The following RALGAPA1 variants were observed in gnomAD, a reference collection of about 807,000 sequenced individuals.
RALGAPA1 encodes Ral GTPase activating protein catalytic subunit alpha 1, also known as ral GTPase-activating protein subunit alpha-1.
RALGAPA1 carries 52 observed loss-of-function variants against 269.6 expected under a neutral mutation model. The observed-to-expected ratio is 0.19, with a 90% confidence interval of 0.15 to 0.24. The LOEUF (loss-of-function observed/expected upper bound fraction) is 0.24, where lower values mean the gene tolerates loss of function less well. Ranked by LOEUF, RALGAPA1 falls within the 10% of genes least tolerant of loss-of-function variation. RALGAPA1 has a pLI of 1.00. For synonymous variants in RALGAPA1, 817 were observed against 1,008.3 expected (o/e 0.81, Z 3.60); for missense variants, 1,917 against 3,013.9 (o/e 0.64, Z 8.52).
At chr14:35,730,549 T>C (rs551228913) in intron 12 of RALGAPA1, among the ~76,000 whole-genome samples, 1 of 110,552 alleles carries the variant, frequency 9.0e-6, no homozygotes, top group East Asian at 1.9e-4. Context: ...AGGGCGGGCA[T>C]GGTGGGAGAC....
intron 39 of RALGAPA1, among the ~76,000 whole-genome samples, chr14:35,562,881 C>T (rs1450797018): frequency 6.6e-5 from 10 of 151,772 alleles, no homozygotes; most frequent in Admixed American, 5.2e-4. Context: ...ATTAGCTGGG[C>T]GTGGTGGCAT....
Position 35,655,836 on chromosome 14 carries a change from C to T in RALGAPA1, c.5467G>A (p.Ala1823Thr). Residue 1823 changes from alanine (A) to threonine (T), a missense_variant, in exon 29 of 42, where the codon GCT (alanine) becomes ACT (threonine). Transcript: ENST00000680220. ...AAGGAAACACAAATCACATTCAGAG[C>T]TTCCTTAATTTGAGGATGATGAGAC... ...HESHHPQIKE[A>T]LNVICVSLKF... The T allele has an allele frequency of 6.2e-7, 1 of 1,613,424 alleles. No homozygotes were observed.
At chr14:35,739,832 G>A (rs2071386749) in intron 11 of RALGAPA1, among the ~76,000 whole-genome samples, 3 of 152,032 alleles carry the variant, frequency 2.0e-5, no homozygotes, top group Admixed American at 2.0e-4. Flanking sequence ...CCTCCATTCT[G>A]GGCCTGGTAT....
intron 37 of RALGAPA1, among the ~76,000 whole-genome samples, chr14:35,589,103 G>T (rs765375869): frequency 3.0e-4 from 45 of 152,150 alleles, no homozygotes; most frequent in Non-Finnish European, 5.7e-4. Context: ...TCATCAATAG[G>T]TTCTTGGAAA....
intron 36 of RALGAPA1, 58 bp from the exon 37 acceptor site, chr14:35,595,847 G>C: frequency 5.7e-6 from 8 of 1,410,048 alleles, no homozygotes; most frequent in Non-Finnish European, 7.8e-6. Flanking sequence ...ACACTACAGA[G>C]AAAGACTCAA....
intron 21 of RALGAPA1, among the ~76,000 whole-genome samples, chr14:35,680,516 T>G (rs546162463): frequency 6.6e-6 from 1 of 152,254 alleles, no homozygotes; most frequent in South Asian, 2.1e-4. Flanking sequence ...AGCCAAGAAC[T>G]AAGATTTTAA....
intron 20 of RALGAPA1, 139 bp from the exon 21 acceptor site, chr14:35,684,124 A>G: frequency 1.6e-6 from 1 of 625,706 alleles, no homozygotes; most frequent in South Asian, 2.6e-5. Flanking sequence ...ACAAGTGTAA[A>G]TAATCTTAAT....
At position 35,678,045 on chromosome 14, in the gene RALGAPA1, G is replaced by A. The variant is rs1368364348; in HGVS notation, c.4529C>T (p.Ser1510Phe). ...GTGATCTATATTCAATGTAGAAGGG[G>A]AAGGAGTCTGTGACCTGGAGCCCAG... The part of the protein sequence containing the change: ...SPLGSRSQTP[S>F]PSTLNIDHME... The change falls in exon 22 of 42, where the codon TCC becomes TTC. Residue 1510 changes from serine to phenylalanine, a missense_variant. Ser to Phe is a radical substitution (Grantham distance 155). This residue lies in a region of RALGAPA1 where 615 missense variants were observed against 790.0 expected (regional missense o/e 0.78). Coordinates refer to ENST00000680220, the MANE Select transcript of RALGAPA1 (RefSeq NM_001346249.2). 6.2e-7 allele frequency: 1 copy of A among 1,611,514 alleles called. No individual in the cohort carries two copies. The highest frequency in any genetic ancestry group is 8.5e-7 in the Non-Finnish European group (1 of 1,179,478).
chr14:35,804,776 A>AT (rs968066230), intron 1 of RALGAPA1, among the ~76,000 whole-genome samples: 3 of 150,064 alleles, frequency 2.0e-5, no homozygotes, highest in Non-Finnish European at 3.0e-5. Flanking sequence ...ACAAAAAAAA[A>AT]TTTTTTTTAA....
intron 41 of RALGAPA1, chr14:35,541,722 C>CCT (rs1566634145): frequency 2.2e-6 from 1 of 456,742 alleles, no homozygotes; most frequent in Non-Finnish European, 4.4e-6. Flanking sequence ...CACGAGAGGC[C>CCT]CTCCCATTGC....
intron 21 of RALGAPA1, 192 bp downstream of exon 21, chr14:35,683,617 C>A: frequency 2.0e-6 from 1 of 493,454 alleles, no homozygotes; most frequent in Non-Finnish European, 3.6e-6. Context: ...ACAGAGTCCT[C>A]TGAAGCTTAA....
intron 15 of RALGAPA1, among the ~76,000 whole-genome samples, chr14:35,722,692 C>T (rs1341872103): frequency 1.3e-5 from 2 of 151,524 alleles, no homozygotes; most frequent in East Asian, 3.9e-4. Flanking sequence ...AGGCTACTGC[C>T]CCACTCCCTT....
At chr14:35,584,985 G>C (rs1229366590) in intron 37 of RALGAPA1, among the ~76,000 whole-genome samples, 4 of 152,018 alleles carry the variant, frequency 2.6e-5, no homozygotes, top group Admixed American at 6.6e-5. Context: ...AAAGTAAAAA[G>C]ATATACCATG....
At chr14:35,561,506 G>GT (rs750062810) in intron 39 of RALGAPA1, among the ~76,000 whole-genome samples, 1,778 of 72,922 alleles carry the variant, frequency 0.024, 170 homozygotes, top group East Asian at 0.12. Context: ...TAATATAGGA[G>GT]TTTTTTTTTT....
chr14:35,644,720 T>C (rs1712917343), intron 31 of RALGAPA1, among the ~76,000 whole-genome samples: 1 of 152,090 alleles, frequency 6.6e-6, no homozygotes, highest in Admixed American at 6.6e-5. Flanking sequence ...ATGGACTGAA[T>C]CTCGTGGTGT....
chr14:35,706,268 T>C (rs1021040014), intron 16 of RALGAPA1, among the ~76,000 whole-genome samples: 3 of 152,250 alleles, frequency 2.0e-5, no homozygotes, highest in Non-Finnish European at 2.9e-5. Flanking sequence ...TTTATACTTT[T>C]GTACATCACA....
chr14:35,593,130 C>T (rs1191236421), intron 37 of RALGAPA1, among the ~76,000 whole-genome samples: 1 of 152,084 alleles, frequency 6.6e-6, no homozygotes, highest in East Asian at 1.9e-4. Context: ...AACAGTGTTA[C>T]AACTAACATA....
rs370921337 is a variant in RALGAPA1, at chr14:35,691,557, C to T, written c.2408-1554G>A. ...CAAAGCAGTGACTTGTCCAAGATTACAAAATAATTTGTTGATTCTTACTCT... is the reference window on the plus strand; with the variant it reads ...CAAAGCAGTGACTTGTCCAAGATTATAAAATAATTTGTTGATTCTTACTCT... On this transcript the variant is annotated intron_variant, in intron 17 of 41. Coordinates refer to ENST00000680220, the MANE Select transcript of RALGAPA1 (RefSeq NM_001346249.2). Among the ~76,000 whole-genome samples the T allele has an allele frequency of 2.0e-5, 3 of 152,118 alleles. No homozygotes were observed. The East Asian group carries it at 5.8e-4, about 29-fold the overall frequency.
At chr14:35,541,171 G>A (rs991539910) in intron 41 of RALGAPA1, among the ~76,000 whole-genome samples, 3 of 149,342 alleles carry the variant, frequency 2.0e-5, no homozygotes, top group Non-Finnish European at 3.0e-5. Context: ...TCAGCCTCTT[G>A]AGTAGCTGGG....
Sources: allele counts gnomAD v4.1 joint callset (sites outside exome capture counted in the v4.1 genomes callset), GRCh38; gene constraint gnomAD v4.1.1; regional missense constraint gnomAD v4.1.1; transcripts MANE v1.5; gene names NCBI Gene and HGNC (gene_info 2026-07-23, HGNC 2026-07-21).